MLLT1: variants seen among roughly 807,000 people sequenced by gnomAD.
MLLT1 encodes protein ENL.
Under a neutral mutation model 55.1 loss-of-function variants are expected in MLLT1, and 11 were observed. The ratio of observed to expected loss-of-function variants is 0.20; its 90% CI spans 0.13 to 0.33. The LOEUF (loss-of-function observed/expected upper bound fraction) is 0.33. MLLT1 is among the 10% of genes least tolerant of loss of function. MLLT1 has a pLI of 1.00. For missense variants in MLLT1, 536 were observed against 760.6 expected (o/e 0.70, Z 3.47); for synonymous variants, 323 against 320.1 (o/e 1.01, Z -0.10).
intron 2 of MLLT1, among the ~76,000 whole-genome samples, chr19:6,264,803 G>A (rs955028011): frequency 1.1e-4 from 16 of 148,888 alleles, no homozygotes; most frequent in South Asian, 4.2e-4. Flanking sequence ...GCTGAGGCAC[G>A]AGAATCACTT....
intron 10 of MLLT1, 38 bp downstream of exon 10, chr19:6,213,687 CT>C: frequency 7.3e-7 from 1 of 1,373,758 alleles, no homozygotes; most frequent in Non-Finnish European, 1.0e-6. Flanking sequence ...CCACCCACCC[CT>C]CCGTAGCCTC....
At chr19:6,251,435 C>G (rs1600203407) in intron 3 of MLLT1, among the ~76,000 whole-genome samples, 1 of 152,128 alleles carries the variant, frequency 6.6e-6, no homozygotes, top group Non-Finnish European at 1.5e-5. Context: ...CCATGCTAGA[C>G]GCCAGACGAG....
intron 2 of MLLT1, among the ~76,000 whole-genome samples, chr19:6,263,984 G>A (rs2091326522): frequency 6.6e-6 from 1 of 152,084 alleles, no homozygotes; most frequent in African/African-American, 2.4e-5. Flanking sequence ...TGCGGGGCCT[G>A]AGCTTCTCCC....
intron 1 of MLLT1, among the ~76,000 whole-genome samples, chr19:6,278,814 G>A (rs898857568): frequency 6.6e-6 from 1 of 152,182 alleles, no homozygotes; most frequent in Non-Finnish European, 1.5e-5. Context: ...GGGTCTGAAG[G>A]TGAAAGAGAC....
chr19:6,223,401 G>A lies in MLLT1; in HGVS notation c.547-717C>T, dbSNP rs545031612. ...CCTAGGTCTCTGCCTCGGAAACCCCGGGGGTTTAGGGTGGAGCTGGACTCG... is the reference window on the plus strand; with the variant it reads ...CCTAGGTCTCTGCCTCGGAAACCCCAGGGGTTTAGGGTGGAGCTGGACTCG... On this transcript the variant is annotated intron_variant, in intron 5 of 11. Coordinates refer to ENST00000252674, the MANE Select transcript of MLLT1 (RefSeq NM_005934.4). Among the ~76,000 whole-genome samples, 179 of 152,302 alleles carry A rather than the reference G, an allele frequency of 1.2e-3. 1 individual carries two copies. Among genetic ancestry groups the A allele is most frequent in the African/African-American group, 4.0e-3 (168 of 41,550 alleles).
chr19:6,218,006 G>A lies in MLLT1; in HGVS notation c.1146C>T (p.Ser382=), dbSNP rs2090861803. 1 of 1,609,558 alleles carries A rather than the reference G, an allele frequency of 6.2e-7. No homozygotes were observed. Among genetic ancestry groups the A allele is most frequent in the Admixed American group, 1.7e-5 (1 of 59,544 alleles). ...AQSSPSNSSS[S]SDSSSDSDFE... is the part of the protein sequence containing the mutation. ...AGTCTGAGTCTGAGCTGGAGTCTGA[G>A]CTGGAGCTGGAGTTGGACGGGCTTG... is the stretch of plus-strand genomic sequence containing the variant. The change falls in exon 7 of 12, where the codon AGC becomes AGT. Residue 382 remains serine, a synonymous_variant. Coordinates refer to ENST00000252674, the MANE Select transcript of MLLT1 (RefSeq NM_005934.4).
rs2090768290 is a variant in MLLT1, at chr19:6,211,346, C to T, written c.*1696G>A. The T allele has an allele frequency of 4.3e-6, 1 of 233,092 alleles. No homozygotes were observed. The highest frequency in any genetic ancestry group is 2.2e-5 in the African/African-American group (1 of 45,404). 14.4% of individuals were successfully genotyped at this position (233,092 alleles called of 1,614,324 possible). On this transcript the variant is annotated 3_prime_UTR_variant, in exon 12 of 12. Coordinates refer to ENST00000252674, the MANE Select transcript of MLLT1 (RefSeq NM_005934.4). The surrounding 1 kb of genome is among the most constrained non-coding windows in gnomAD (Gnocchi z 4.6). Reference sequence around the variant, plus strand: ...GAAACAGAGCAGGTGGCGAGGAGTCCCGGAGGCTTCCTCCGAAGGTTCTCG... The same window carrying T: ...GAAACAGAGCAGGTGGCGAGGAGTCTCGGAGGCTTCCTCCGAAGGTTCTCG...
At chr19:6,247,437 C>T (rs79321491) in intron 3 of MLLT1, among the ~76,000 whole-genome samples, 1 of 152,010 alleles carries the variant, frequency 6.6e-6, no homozygotes, top group Non-Finnish European at 1.5e-5. Context: ...GGCCCGAATG[C>T]GAGAACAATT....
At chr19:6,260,726 G>T (rs1315807217) in intron 3 of MLLT1, among the ~76,000 whole-genome samples, 1 of 152,246 alleles carries the variant, frequency 6.6e-6, no homozygotes, top group Non-Finnish European at 1.5e-5. Flanking sequence ...AGTGCCTGTA[G>T]TCCCAGCTAC....
chr19:6,237,744 CTAAG>C (rs1568284121), intron 3 of MLLT1, among the ~76,000 whole-genome samples: 4 of 140,066 alleles, frequency 2.9e-5, no homozygotes, highest in African/African-American at 2.7e-5. Flanking sequence ...GCCTGGGCGA[CTAAG>C]TGAGACTCTT....
chr19:6,227,855 G>A lies in MLLT1; in HGVS notation c.421-753C>T, dbSNP rs2090969815. On this transcript the variant is annotated intron_variant, in intron 4 of 11. Coordinates refer to ENST00000252674, the MANE Select transcript of MLLT1 (RefSeq NM_005934.4). The surrounding 1 kb of genome is among the most constrained non-coding windows in gnomAD (Gnocchi z 5.1). ...AGGTCTTGAGATATCAACACTGCGA[G>A]TTAAGGAATGCCACCACCACAGAGA... is the stretch of plus-strand genomic sequence containing the variant. Among the ~76,000 whole-genome samples, 1 of 152,184 alleles carries A rather than the reference G, an allele frequency of 6.6e-6. No homozygotes were observed. The highest frequency in any genetic ancestry group is 2.4e-5 in the African/African-American group (1 of 41,450).
chr19:6,247,221 G>C (rs1040478838), intron 3 of MLLT1, among the ~76,000 whole-genome samples: 21 of 152,294 alleles, frequency 1.4e-4, no homozygotes, highest in African/African-American at 5.1e-4. Context: ...TCTGTCATAT[G>C]AGAGAACCTA....
At position 6,262,140 on chromosome 19, in the gene MLLT1, T is replaced by C; in HGVS notation, c.276+88A>G. 1 of 1,027,528 alleles carries C rather than the reference T, an allele frequency of 9.7e-7. No homozygotes were observed. Among genetic ancestry groups the C allele is most frequent in the Non-Finnish European group, 1.5e-6 (1 of 655,820 alleles). The allele number at this position is 1,027,528 out of a possible 1,614,324, so 63.7% of individuals were successfully genotyped here. A position where few individuals can be genotyped will look rare whatever the true frequency, so the allele number is the denominator to read the frequency against. On this transcript the variant is annotated intron_variant, in intron 3 of 11. Coordinates refer to ENST00000252674, the MANE Select transcript of MLLT1 (RefSeq NM_005934.4). This position sits in a 1 kb window ranked among gnomAD's most constrained non-coding sequence, Gnocchi z 4.4. ...TGTCTGTGCATGGGCAGCGGCCAGT[T>C]CTCTGGCCTGTTTTGTGAACTGCCG...
rs1209849440 is a variant in MLLT1 at position 6,230,435 on chromosome 19, T to C, written c.420+135A>G. Reference sequence around the variant, plus strand: ...GGAGCTCCCAGGTCCCCTCCAGCTCTGCTGGGTGCTGCCGTGTGACCTGCG... The same window carrying C: ...GGAGCTCCCAGGTCCCCTCCAGCTCCGCTGGGTGCTGCCGTGTGACCTGCG... On this transcript the variant is annotated intron_variant, in intron 4 of 11. Coordinates refer to ENST00000252674, the MANE Select transcript of MLLT1 (RefSeq NM_005934.4). The surrounding 1 kb of genome is among the most constrained non-coding windows in gnomAD (Gnocchi z 9.0). The C allele has an allele frequency of 1.4e-5, 15 of 1,078,714 alleles. No homozygotes were observed. The Admixed American group carries it at 3.9e-4, about 28-fold the overall frequency. 66.8% of individuals were successfully genotyped at this position (1,078,714 alleles called of 1,614,324 possible). A position where few individuals can be genotyped will look rare whatever the true frequency, so the allele number is the denominator to read the frequency against.
At chr19:6,213,206 G>T in intron 11 of MLLT1, 36 bp from the exon 12 acceptor site, 1 of 1,613,494 alleles carries the variant, frequency 6.2e-7, no homozygotes, top group Non-Finnish European at 8.5e-7. Flanking sequence ...AGGGGCAGGG[G>T]GCCAAGGGTG....
In MLLT1 at chr19:6,256,382, C is replaced by A. The variant is rs1466822874; in HGVS notation, c.276+5846G>T. 6.6e-6 allele frequency among the ~76,000 whole-genome samples: 1 copy of A among 151,876 alleles called. No homozygotes were observed. Among genetic ancestry groups the A allele is most frequent in the Non-Finnish European group, 1.5e-5 (1 of 67,982 alleles). On this transcript the variant is annotated intron_variant, in intron 3 of 11. Coordinates refer to ENST00000252674, the MANE Select transcript of MLLT1 (RefSeq NM_005934.4). This position sits in a 1 kb window ranked among gnomAD's most constrained non-coding sequence, Gnocchi z 4.1. ...GCTGAGGTGGGAGGACTGCCTGAGC[C>A]CAAGAGGTCAAAGCTACAGTGAGCC...
rs949816850 is a variant in MLLT1 at position 6,211,874 on chromosome 19, A to G, written c.*1168T>C. The G allele has an allele frequency of 1.9e-6, 2 of 1,064,396 alleles. No homozygotes were observed. Among genetic ancestry groups the G allele is most frequent in the Non-Finnish European group, 2.3e-6 (2 of 878,566 alleles). The allele number at this position is 1,064,396 out of a possible 1,614,324, so 65.9% of individuals were successfully genotyped here. ...GGAGTGGGGCTGCGGGCGCGGCACCAGCATGAATTGCGGCGGTGGAGGCCG... is the reference window on the plus strand; with the variant it reads ...GGAGTGGGGCTGCGGGCGCGGCACCGGCATGAATTGCGGCGGTGGAGGCCG... On this transcript the variant is annotated 3_prime_UTR_variant, in exon 12 of 12. Coordinates refer to ENST00000252674, the MANE Select transcript of MLLT1 (RefSeq NM_005934.4). This position sits in a 1 kb window ranked among gnomAD's most constrained non-coding sequence, Gnocchi z 4.6.
In MLLT1 at chr19:6,231,890, C is replaced by G. The variant is rs1411167224; in HGVS notation, c.277-1177G>C. On this transcript the variant is annotated intron_variant, in intron 3 of 11. Transcript: ENST00000252674. This position sits in a 1 kb window ranked among gnomAD's most constrained non-coding sequence, Gnocchi z 5.1. ...CAGGTCCCAGGGGAGTGTGGGAAAA[C>G]CGCACTATGACAAGCACGAATGTCA... is the stretch of plus-strand genomic sequence containing the variant. 6.6e-6 allele frequency among the ~76,000 whole-genome samples: 1 copy of G among 152,110 alleles called. No individual in the cohort carries two copies. Among genetic ancestry groups the G allele is most frequent in the Non-Finnish European group, 1.5e-5 (1 of 68,018 alleles).
At chr19:6,224,141 CTGCTGCCCCATGGCCAGTCTCCTG>C (rs2090931933) in intron 5 of MLLT1, among the ~76,000 whole-genome samples, 1 of 152,250 alleles carries the variant, frequency 6.6e-6, no homozygotes. Flanking sequence ...GCAGACACAG[CTGCTGCCCCATGGCCAGTCTCCTG>C]GGCTGGCCAT....
Sources: gnomAD v4.1 joint callset for allele counts (sites outside exome capture counted in the v4.1 genomes callset) on GRCh38, gnomAD v4.1.1 for gene constraint, Gnocchi (gnomAD v3.1) non-coding constraint, MANE v1.5 for transcripts, NCBI Gene and HGNC (gene_info 2026-07-23, HGNC 2026-07-21) for gene names.